The following CNIH4 variants were observed in gnomAD, a reference collection of about 807,000 sequenced individuals.
The protein encoded by CNIH4 is protein cornichon homolog 4.
CNIH4 carries 9 observed loss-of-function variants against 21.5 expected under a neutral mutation model. That is an observed-to-expected ratio of 0.42 (90% CI 0.25 to 0.73). The LOEUF is 0.73. Among genes scored for constraint, CNIH4 ranks in the 30% least tolerant of loss-of-function variants. The pLI, the probability that CNIH4 is intolerant of heterozygous loss-of-function variation, is 0.27. For missense variants in CNIH4, 159 were observed against 170.0 expected (o/e 0.94, Z 0.36); for synonymous variants, 67 against 59.1 (o/e 1.13, Z -0.61).
At chr1:224,365,134 C>T (rs1363132870) in intron 2 of CNIH4, among the ~76,000 whole-genome samples, 1 of 152,162 alleles carries the variant, frequency 6.6e-6, no homozygotes, top group African/African-American at 2.4e-5. Context: ...TTCCTCATTT[C>T]TGAAAGTGAG....
At chr1:224,359,149 G>A (rs1275830789) in intron 1 of CNIH4, among the ~76,000 whole-genome samples, 1 of 152,186 alleles carries the variant, frequency 6.6e-6, no homozygotes, top group Non-Finnish European at 1.5e-5. Context: ...AAGTTGGAAA[G>A]GCAGGATTAC....
At chr1:224,375,713 A>C in intron 4 of CNIH4, 82 bp from the exon 5 acceptor site, 1 of 1,471,320 alleles carries the variant, frequency 6.8e-7, no homozygotes, top group Admixed American at 1.7e-5. Context: ...TGTGAACCTT[A>C]GGGACGCAAG....
At chr1:224,358,264 G>C (rs1672175393) in intron 1 of CNIH4, among the ~76,000 whole-genome samples, 1 of 152,236 alleles carries the variant, frequency 6.6e-6, no homozygotes, top group Admixed American at 6.5e-5. Context: ...CCCTAGCACA[G>C]TGCCTGCCCC....
rs754179767 is a variant in CNIH4, at chr1:224,371,351, T to G, written c.320T>G (p.Leu107Arg). The G allele has an allele frequency of 1.2e-6, 2 of 1,614,182 alleles. No individual in the cohort carries two copies. The highest frequency in any genetic ancestry group is 1.7e-6 in the Non-Finnish European group (2 of 1,180,016). Residue 107 changes from leucine to arginine, a missense_variant, in exon 4 of 5, where the codon CTG (leucine) becomes CGG (arginine). Transcript: ENST00000465271. ...ACAGAAATACACAATCGAGGGCAGCTGAAGTCACACATGAAAGAAGCCATG... is the reference window on the plus strand; with the variant it reads ...ACAGAAATACACAATCGAGGGCAGCGGAAGTCACACATGAAAGAAGCCATG... Reference protein sequence around the residue: ...DPTEIHNRGQLKSHMKEAMIK... With the variant: ...DPTEIHNRGQRKSHMKEAMIK...
Position 224,371,367 on chromosome 1 carries a change from A to G in CNIH4, c.336A>G (p.Lys112=). 7 of 1,614,206 alleles carry G rather than the reference A, an allele frequency of 4.3e-6. No homozygotes were observed. Among genetic ancestry groups the G allele is most frequent in the Non-Finnish European group, 5.1e-6 (6 of 1,180,030 alleles). ...GAGGGCAGCTGAAGTCACACATGAA[A>G]GAAGCCATGATCAAGCTTGGTTTCC... The part of the protein sequence containing the change: ...HNRGQLKSHM[K]EAMIKLGFHL... The change falls in exon 4 of 5, where the codon AAA becomes AAG. Residue 112 remains lysine, a synonymous_variant. Transcript: ENST00000465271.
chr1:224,370,953 T>C (rs2102865028), intron 3 of CNIH4, among the ~76,000 whole-genome samples: 1 of 151,448 alleles, frequency 6.6e-6, no homozygotes, highest in South Asian at 2.1e-4. Flanking sequence ...CTTGGTTCAC[T>C]GCAACCTCTG....
rs1345888802 is a variant in CNIH4, at chr1:224,379,382, C to T, written c.*3560C>T. The stretch of plus-strand genomic sequence containing the variant: ...TGCCCATTCATATTTGTATCTTCTT[C>T]CTTCTGCTCTTGGCACCTAACACAG... On this transcript the variant is annotated 3_prime_UTR_variant, in exon 5 of 5. Transcript: ENST00000465271. 2.1e-5 allele frequency: 9 copies of T among 425,984 alleles called. No individual in the cohort carries two copies. Among genetic ancestry groups the T allele is most frequent in the Non-Finnish European group, 3.9e-5 (9 of 229,422 alleles). The allele number at this position is 425,984 out of a possible 1,614,324, so 26.4% of individuals were successfully genotyped here.
At chr1:224,360,671 T>C in intron 2 of CNIH4, 108 bp downstream of exon 2, 1 of 487,608 alleles carries the variant, frequency 2.1e-6, no homozygotes, top group East Asian at 3.4e-5. Flanking sequence ...ACATGTTGTC[T>C]CTTATTCATT....
At chr1:224,373,064 T>G (rs1672678538) in intron 4 of CNIH4, among the ~76,000 whole-genome samples, 1 of 152,130 alleles carries the variant, frequency 6.6e-6, no homozygotes, top group Admixed American at 6.5e-5. Context: ...TATTTGCTTT[T>G]CTGTGTCTTA....
At chr1:224,370,338 G>A (rs1672586856) in intron 3 of CNIH4, among the ~76,000 whole-genome samples, 1 of 152,114 alleles carries the variant, frequency 6.6e-6, no homozygotes, top group African/African-American at 2.4e-5. Flanking sequence ...GGGTTTTAAG[G>A]GAGAATTTCA....
intron 4 of CNIH4, among the ~76,000 whole-genome samples, chr1:224,373,497 T>C (rs910898927): frequency 1.3e-5 from 2 of 152,084 alleles, no homozygotes; most frequent in African/African-American, 4.8e-5. Flanking sequence ...GATTTAAAAA[T>C]GTACATGAGT....
chr1:224,376,629 A>C lies in CNIH4; in HGVS notation c.*807A>C. The C allele has an allele frequency of 2.0e-6, 2 of 985,434 alleles. No individual in the cohort carries two copies. The highest frequency in any genetic ancestry group is 1.2e-6 in the Non-Finnish European group (1 of 829,946). The allele number at this position is 985,434 out of a possible 1,614,324, so 61.0% of individuals were successfully genotyped here. ...GATGCTAATCAGATTAGAAGCAGGA[A>C]TAGTTATTTGCTGTCTGTGAAATTG... On this transcript the variant is annotated 3_prime_UTR_variant, in exon 5 of 5. Coordinates refer to ENST00000465271, the MANE Select transcript of CNIH4 (RefSeq NM_014184.4).
chr1:224,365,566 C>G (rs978889100), intron 2 of CNIH4, among the ~76,000 whole-genome samples: 1 of 152,212 alleles, frequency 6.6e-6, no homozygotes, highest in African/African-American at 2.4e-5. Flanking sequence ...GGCATAGATA[C>G]TAGAATAGGA....
chr1:224,362,406 T>G (rs1672321496), intron 2 of CNIH4, among the ~76,000 whole-genome samples: 1 of 151,852 alleles, frequency 6.6e-6, no homozygotes, highest in Non-Finnish European at 1.5e-5. Context: ...TCTCTTTCTC[T>G]CTTTTCCTGT....
At chr1:224,357,628 G>A (rs1451395159) in intron 1 of CNIH4, 1 of 152,190 alleles carries the variant, frequency 6.6e-6, no homozygotes, top group African/African-American at 2.4e-5. Context: ...TGTTGGAAAG[G>A]AGTTGTTTTA....
intron 4 of CNIH4, among the ~76,000 whole-genome samples, chr1:224,374,370 T>C (rs1672719397): frequency 6.6e-6 from 1 of 152,084 alleles, no homozygotes; most frequent in Non-Finnish European, 1.5e-5. Flanking sequence ...TAGTGGAATG[T>C]GGGCTCTACC....
At chr1:224,372,275 G>A (rs754808236) in intron 4 of CNIH4, among the ~76,000 whole-genome samples, 4 of 152,152 alleles carry the variant, frequency 2.6e-5, no homozygotes, top group African/African-American at 9.7e-5. Flanking sequence ...TTATTCCTGT[G>A]TGTTTTAGAG....
At chr1:224,367,601 T>C (rs1661526238) in intron 3 of CNIH4, among the ~76,000 whole-genome samples, 1 of 151,952 alleles carries the variant, frequency 6.6e-6, no homozygotes, top group African/African-American at 2.4e-5. Context: ...ACAGGTGTGA[T>C]ATAGTGCACT....
At chr1:224,371,975 G>A (rs1338335149) in intron 4 of CNIH4, among the ~76,000 whole-genome samples, 1 of 152,140 alleles carries the variant, frequency 6.6e-6, no homozygotes, top group African/African-American at 2.4e-5. Flanking sequence ...GTATACAGCT[G>A]TGGAGTTCCA....
Sources: gnomAD v4.1 joint callset for allele counts (sites outside exome capture counted in the v4.1 genomes callset) on GRCh38, gnomAD v4.1.1 for gene constraint, MANE v1.5 for transcripts, NCBI Gene and HGNC (gene_info 2026-07-23, HGNC 2026-07-21) for gene names.